Variants in ZNF354A observed in about 807,000 individuals in gnomAD.
ZNF354A encodes zinc finger protein 354A, also known as epididymis luminal protein 104.
Under a neutral mutation model 53.3 loss-of-function variants are expected in ZNF354A, and 25 were observed. The observed-to-expected ratio is 0.47, with a 90% confidence interval of 0.34 to 0.66. ZNF354A has a LOEUF of 0.66. Ranked by LOEUF, ZNF354A falls within the 30% of genes least tolerant of loss-of-function variation. The probability of loss-of-function intolerance (pLI) is 0.01; values close to 1 mark genes in which losing one functional copy is unlikely to be tolerated. For missense variants in ZNF354A, 586 were observed against 716.8 expected (o/e 0.82, Z 2.08); for synonymous variants, 228 against 249.0 (o/e 0.92, Z 0.79).
In ZNF354A at chr5:178,713,984, G is replaced by GTTT. The variant is rs35809830; in HGVS notation, c.257-366_257-364dup. The stretch of plus-strand genomic sequence containing the variant: ...CATGATGGAATCCTAATTTTTTTTT[G>GTTT]TTTTTTTTTTTTGACATTTATCTTC... On this transcript the variant is annotated intron_variant, in intron 4 of 4. Transcript: ENST00000335815. Among the ~76,000 whole-genome samples, 923 of 141,698 alleles carry GTTT rather than the reference G, an allele frequency of 6.5e-3. 6 individuals carry two copies. The highest frequency in any genetic ancestry group is 0.015 in the South Asian group (66 of 4,500). The allele number at this position is 141,698 out of a possible 152,430, so 93.0% of individuals were successfully genotyped here. A position where few individuals can be genotyped will look rare whatever the true frequency, so the allele number is the denominator to read the frequency against.
chr5:178,727,226 A>G, intron 2 of ZNF354A, 101 bp from the exon 3 acceptor site: 1 of 1,290,736 alleles, frequency 7.7e-7, no homozygotes, highest in Non-Finnish European at 1.0e-6. Context: ...TTCCCATACT[A>G]TTCAAGCTTC....
intron 4 of ZNF354A, among the ~76,000 whole-genome samples, chr5:178,724,344 C>T (rs1367590222): frequency 6.6e-6 from 1 of 151,950 alleles, no homozygotes; most frequent in Admixed American, 6.6e-5. Context: ...CCTGTCTCAG[C>T]CTCCGGAGTA....
chr5:178,730,361 C>A (rs1487858499), intron 1 of ZNF354A, among the ~76,000 whole-genome samples, 195 bp downstream of exon 1: 1 of 151,882 alleles, frequency 6.6e-6, no homozygotes, highest in Non-Finnish European at 1.5e-5. Context: ...CCACGGCGAG[C>A]CGGACGCGGG....
In ZNF354A at chr5:178,712,624, G is replaced by A; in HGVS notation, c.1254C>T (p.Gly418=). The change falls in exon 5 of 5, where the codon GGC becomes GGT. Residue 418 remains glycine (G), a synonymous_variant. Coordinates refer to ENST00000335815, the MANE Select transcript of ZNF354A (RefSeq NM_005649.3). ...TATTAAGTCGTGAAATAGAAGTAAA[G>A]CCTTTCCCACATTCATTGCATCTAT... ...KPYRCNECGK[G]FTSISRLNRH... is the part of the protein sequence containing the mutation. The A allele has an allele frequency of 6.2e-7, 1 of 1,614,112 alleles. No homozygotes were observed. The highest frequency in any genetic ancestry group is 1.1e-5 in the South Asian group (1 of 91,076).
At chr5:178,726,041 A>T in intron 3 of ZNF354A, 1 of 375,234 alleles carries the variant, frequency 2.7e-6, no homozygotes, top group Non-Finnish European at 5.4e-6. Flanking sequence ...ACAGGGTTTC[A>T]CCATGTTGGC....
intron 4 of ZNF354A, among the ~76,000 whole-genome samples, chr5:178,720,603 A>C (rs1001669308): frequency 9.8e-5 from 15 of 152,330 alleles, no homozygotes; most frequent in African/African-American, 3.4e-4. Context: ...TCTCAGAGGG[A>C]GCGGGGCCCT....
chr5:178,721,761 C>T (rs529302996), intron 4 of ZNF354A, among the ~76,000 whole-genome samples: 1 of 152,262 alleles, frequency 6.6e-6, no homozygotes, highest in South Asian at 2.1e-4. Flanking sequence ...AAGATATCTC[C>T]CATACTCGAC....
chr5:178,718,179 T>C (rs1765748985), intron 4 of ZNF354A, among the ~76,000 whole-genome samples: 1 of 152,160 alleles, frequency 6.6e-6, no homozygotes, highest in Admixed American at 6.5e-5. Flanking sequence ...CAGACGTAAG[T>C]TTTGGATTGT....
chr5:178,714,783 CAT>C (rs776141143), intron 4 of ZNF354A, among the ~76,000 whole-genome samples: 4 of 152,190 alleles, frequency 2.6e-5, no homozygotes, highest in Non-Finnish European at 5.9e-5. Flanking sequence ...CAAATATGCA[CAT>C]GTGTTATACA....
At chr5:178,715,147 AG>A (rs919647540) in intron 4 of ZNF354A, among the ~76,000 whole-genome samples, 7 of 152,354 alleles carry the variant, frequency 4.6e-5, no homozygotes, top group African/African-American at 1.7e-4. Flanking sequence ...AAATTCTCTC[AG>A]GGGAACGGTT....
chr5:178,713,440 T>A lies in ZNF354A; in HGVS notation c.438A>T (p.Ser146=). ...QDKKGSFQIV[S]ATHKKIPTIE... is the part of the protein sequence containing the mutation. ...TAGTGGGGATTTTTTTGTGGGTGGC[T>A]GAAACTATCTGAAAACTTCCCTTTT... The change falls in exon 5 of 5, where the codon TCA becomes TCT. Residue 146 remains serine (S), a synonymous_variant. Coordinates refer to ENST00000335815, the MANE Select transcript of ZNF354A (RefSeq NM_005649.3). The A allele has an allele frequency of 1.2e-6, 2 of 1,613,670 alleles. No homozygotes were observed. The highest frequency in any genetic ancestry group is 1.7e-6 in the Non-Finnish European group (2 of 1,179,918).
chr5:178,725,454 G>A lies in ZNF354A; in HGVS notation c.178C>T (p.Pro60Ser). The change falls in exon 4 of 5, where the codon CCA (proline) becomes TCA (serine). Residue 60 changes from proline to serine, a missense_variant. Pro to Ser is a moderately conservative substitution (Grantham distance 74, BLOSUM62 -1). This residue lies in a region of ZNF354A where 573 missense variants were observed against 680.1 expected (regional missense o/e 0.84). Transcript: ENST00000335815. ...TGCTGCAACAGGGAGATCACTTTTG[G>A]TTTGGTAAATGGGAGCCCTGCACAT... ...LVSLGLPFTK[P>S]KVISLLQQGE... 6.2e-7 allele frequency: 1 copy of A among 1,614,096 alleles called. No homozygotes were observed. Among genetic ancestry groups the A allele is most frequent in the Non-Finnish European group, 8.5e-7 (1 of 1,179,980 alleles).
Position 178,715,622 on chromosome 5 carries a change from A to G in ZNF354A, c.257-2001T>C, listed in dbSNP as rs537611481. Reference sequence around the variant, plus strand: ...AAAAATGAAGTGCTTTTTCCCTGTGAATATCGGTCGTTGTTTCTAGGCTTA... The same window carrying G: ...AAAAATGAAGTGCTTTTTCCCTGTGGATATCGGTCGTTGTTTCTAGGCTTA... On this transcript the variant is annotated intron_variant, in intron 4 of 4. Coordinates refer to ENST00000335815, the MANE Select transcript of ZNF354A (RefSeq NM_005649.3). 1.1e-4 allele frequency among the ~76,000 whole-genome samples: 16 copies of G among 152,232 alleles called. No individual in the cohort carries two copies. The East Asian group carries it at 2.3e-3, about 22-fold the overall frequency.
chr5:178,727,022 T>C lies in ZNF354A; in HGVS notation c.137A>G (p.Asn46Ser), dbSNP rs1765922154. 6.2e-7 allele frequency: 1 copy of C among 1,613,422 alleles called. No homozygotes were observed. Among genetic ancestry groups the C allele is most frequent in the African/African-American group, 1.3e-5 (1 of 75,000 alleles). Residue 46 changes from asparagine (N) to serine (S), a missense_variant, in exon 3 of 5, where the codon AAC becomes AGC. This residue lies in a region of ZNF354A where 573 missense variants were observed against 680.1 expected (regional missense o/e 0.84). Transcript: ENST00000335815. Reference sequence around the variant, plus strand: ...ACCCAGTGAGACCAGGTTCCTATAGTTCTCCAGCATCACATCCCGGTACAA... The same window carrying C: ...ACCCAGTGAGACCAGGTTCCTATAGCTCTCCAGCATCACATCCCGGTACAA... The part of the protein sequence containing the change: ...RNLYRDVMLE[N>S]YRNLVSLGLP...
At chr5:178,720,446 C>T (rs963072277) in intron 4 of ZNF354A, among the ~76,000 whole-genome samples, 1 of 152,098 alleles carries the variant, frequency 6.6e-6, no homozygotes, top group Admixed American at 6.5e-5. Flanking sequence ...CACAGGCATC[C>T]AGAAGGAAAG....
Position 178,713,191 on chromosome 5 carries a change from A to C in ZNF354A, c.687T>G (p.Leu229=), listed in dbSNP as rs1765653439. The change falls in exon 5 of 5, where the codon CTT becomes CTG. Residue 229 remains leucine, a synonymous_variant. Coordinates refer to ENST00000335815, the MANE Select transcript of ZNF354A (RefSeq NM_005649.3). ...CACTATGGTTTTTCTCATGTTTACG[A>C]AGGGATGAAGTGTTAATGAAGGTTT... is the stretch of plus-strand genomic sequence containing the variant. ...CEKTFINTSS[L]RKHEKNHSGE... is the part of the protein sequence containing the mutation. 9 of 1,614,166 alleles carry C rather than the reference A, an allele frequency of 5.6e-6. No individual in the cohort carries two copies. Among genetic ancestry groups the C allele is most frequent in the Non-Finnish European group, 7.6e-6 (9 of 1,180,022 alleles).
At chr5:178,725,350 T>G in intron 4 of ZNF354A, 26 bp downstream of exon 4, 1 of 1,606,444 alleles carries the variant, frequency 6.2e-7, no homozygotes, top group Non-Finnish European at 8.5e-7. Flanking sequence ...TCTGCGGCCA[T>G]TCCGCACCTC....
rs1054905137 is a variant in ZNF354A at position 178,713,974 on chromosome 5, A to ATT, written c.257-355_257-354dup. On this transcript the variant is annotated intron_variant, in intron 4 of 4. Coordinates refer to ENST00000335815, the MANE Select transcript of ZNF354A (RefSeq NM_005649.3). ...ACCCAAAACCCATGATGGAATCCTA[A>ATT]TTTTTTTTTGTTTTTTTTTTTTGAC... 3.1e-3 allele frequency among the ~76,000 whole-genome samples: 435 copies of ATT among 139,738 alleles called. 3 individuals are homozygous for ATT. Among genetic ancestry groups the ATT allele is most frequent in the Non-Finnish European group, 4.6e-3 (286 of 62,786 alleles). The allele number at this position is 139,738 out of a possible 152,430, so 91.7% of individuals were successfully genotyped here.
intron 4 of ZNF354A, among the ~76,000 whole-genome samples, chr5:178,714,522 T>A (rs1765681064): frequency 1.3e-5 from 2 of 152,182 alleles, no homozygotes; most frequent in Admixed American, 1.3e-4. Flanking sequence ...GTTCTATATC[T>A]ATGTCTGTAT....
Sources: allele counts gnomAD v4.1 joint callset (sites outside exome capture counted in the v4.1 genomes callset), GRCh38; gene constraint gnomAD v4.1.1; regional missense constraint gnomAD v4.1.1; transcripts MANE v1.5; gene names NCBI Gene and HGNC (gene_info 2026-07-23, HGNC 2026-07-21).